Variants in MCF2L observed in about 807,000 individuals in gnomAD.
MCF2L encodes guanine nucleotide exchange factor DBS.
A neutral mutation model predicts 153.4 loss-of-function variants in MCF2L; 97 were observed. That is an observed-to-expected ratio of 0.63 (90% CI 0.54 to 0.75). The LOEUF (loss-of-function observed/expected upper bound fraction) is 0.75, where lower values mean the gene tolerates loss of function less well. Ranked by LOEUF, MCF2L falls within the 30% of genes least tolerant of loss-of-function variation. The pLI is 0.00. For synonymous variants in MCF2L, 659 were observed against 632.2 expected (o/e 1.04, Z -0.64); for missense variants, 1,347 against 1,495.2 (o/e 0.90, Z 1.64).
chr13:113,001,778 G>A, intron 1 of MCF2L: 1 of 1,408,162 alleles, frequency 7.1e-7, no homozygotes, highest in African/African-American at 1.5e-5. Flanking sequence ...GGCCAGGTCT[G>A]CCCAGCAAAC....
chr13:113,001,100 C>A (rs1277812688), intron 1 of MCF2L, among the ~76,000 whole-genome samples: 1 of 152,124 alleles, frequency 6.6e-6, no homozygotes, highest in African/African-American at 2.4e-5. Context: ...CTGTGGGACT[C>A]CCACCCAGGG....
chr13:112,987,342 C>G (rs1157445603), intron 1 of MCF2L, among the ~76,000 whole-genome samples: 2 of 51,054 alleles, frequency 3.9e-5, no homozygotes, highest in African/African-American at 5.5e-5. Context: ...GGCTCGTTGT[C>G]TGCCCCCTGA....
chr13:112,907,711 T>G lies in MCF2L; in HGVS notation c.169+5340T>G, dbSNP rs936978640. On this transcript the variant is annotated intron_variant, in intron 2 of 29. Transcript: ENST00000375608. This position sits in a 1 kb window ranked among gnomAD's most constrained non-coding sequence, Gnocchi z 5.1. ...GGACTTGAAACTTCCTGGTTCTTCA[T>G]GCAGTTCTCAAAGCTCATGATTTTC... Among the ~76,000 whole-genome samples, 2 of 152,238 alleles carry G rather than the reference T, an allele frequency of 1.3e-5. No homozygotes were observed. The highest frequency in any genetic ancestry group is 1.5e-5 in the Non-Finnish European group (1 of 68,050).
intron 2 of MCF2L, among the ~76,000 whole-genome samples, chr13:112,918,363 G>C (rs2081317025): frequency 6.6e-6 from 1 of 152,180 alleles, no homozygotes; most frequent in Non-Finnish European, 1.5e-5. Context: ...CTCCGTGTTG[G>C]GGAACTCCAG....
intron 1 of MCF2L, among the ~76,000 whole-genome samples, chr13:112,992,296 G>A (rs1199128897): frequency 6.6e-6 from 1 of 152,192 alleles, no homozygotes; most frequent in African/African-American, 2.4e-5. Flanking sequence ...TTTGGATATG[G>A]GATACCCAGC....
chr13:112,963,589 C>G (rs2081858958), intron 2 of MCF2L, among the ~76,000 whole-genome samples: 1 of 152,220 alleles, frequency 6.6e-6, no homozygotes, highest in South Asian at 2.1e-4. Flanking sequence ...TGCTCCATAG[C>G]CTGTCTTGGT....
At chr13:113,093,280 C>T (rs749691962) in intron 26 of MCF2L, among the ~76,000 whole-genome samples, 3 of 152,248 alleles carry the variant, frequency 2.0e-5, no homozygotes, top group Non-Finnish European at 2.9e-5. Flanking sequence ...TCACAGTCCT[C>T]AATTCTCACA....
At chr13:113,029,895 T>C (rs2085541314) in intron 3 of MCF2L, among the ~76,000 whole-genome samples, 5 of 152,246 alleles carry the variant, frequency 3.3e-5, no homozygotes. Flanking sequence ...GCAAATTAAA[T>C]GGACAAATCT....
chr13:113,057,744 T>G (rs1209651452), intron 4 of MCF2L, among the ~76,000 whole-genome samples: 1 of 145,904 alleles, frequency 6.9e-6, no homozygotes, highest in Non-Finnish European at 1.5e-5. Context: ...TGTTGGGTGC[T>G]GAGTGGGCAC....
rs960564024 is a variant in MCF2L, at chr13:112,960,782, G to A, written c.170-53981G>A. Among the ~76,000 whole-genome samples the A allele has an allele frequency of 2.0e-5, 3 of 152,046 alleles. No homozygotes were observed. The highest frequency in any genetic ancestry group is 2.1e-4 in the South Asian group (1 of 4,808). On this transcript the variant is annotated intron_variant, in intron 2 of 29. Transcript: ENST00000375608. This position sits in a 1 kb window ranked among gnomAD's most constrained non-coding sequence, Gnocchi z 4.2. Reference sequence around the variant, plus strand: ...TGCCTGCATTCCTGGGCTCATGGCCGCACCACCCAGACCCTTACATCCATC... The same window carrying A: ...TGCCTGCATTCCTGGGCTCATGGCCACACCACCCAGACCCTTACATCCATC...
intron 1 of MCF2L, among the ~76,000 whole-genome samples, chr13:112,988,411 C>T (rs377320379): frequency 1.4e-4 from 22 of 152,316 alleles, no homozygotes; most frequent in African/African-American, 2.6e-4. Flanking sequence ...CCTTTCCCTG[C>T]GGAGCTGGTG....
Position 113,076,864 on chromosome 13 carries a change from G to C in MCF2L, c.1501-188G>C, listed in dbSNP as rs1012935857. On this transcript the variant is annotated intron_variant, in intron 12 of 29. Transcript: ENST00000535094. Reference sequence around the variant, plus strand: ...CCGAGGCCGGGGCCCCGTCCCGTGTGGGGGCTGCATCCCCCTCTCCGTCCG... The same window carrying C: ...CCGAGGCCGGGGCCCCGTCCCGTGTCGGGGCTGCATCCCCCTCTCCGTCCG... Among the ~76,000 whole-genome samples the C allele has an allele frequency of 4.6e-5, 7 of 152,258 alleles. No individual in the cohort carries two copies. In the South Asian group the frequency reaches 6.2e-4, roughly 13 times the overall value.
intron 2 of MCF2L, among the ~76,000 whole-genome samples, chr13:112,950,921 C>T (rs751627374): frequency 4.6e-5 from 7 of 152,166 alleles, no homozygotes; most frequent in Non-Finnish European, 8.8e-5. Flanking sequence ...TGTGTGAAAG[C>T]ACCTGCAAAG....
In MCF2L at chr13:113,074,648, C is replaced by T. The variant is rs2033264962; in HGVS notation, c.1116+85C>T. The T allele has an allele frequency of 6.4e-7, 1 of 1,569,734 alleles. No individual in the cohort carries two copies. Among genetic ancestry groups the T allele is most frequent in the African/African-American group, 1.3e-5 (1 of 74,322 alleles). On this transcript the variant is annotated intron_variant, in intron 10 of 29. Coordinates refer to ENST00000535094, the MANE Select transcript of MCF2L (RefSeq NM_001112732.3). This position sits in a 1 kb window ranked among gnomAD's most constrained non-coding sequence, Gnocchi z 4.2. ...TCAGGAAGGCGCAGGAATGGGCCTC[C>T]CGCCTACGGAGAACGGACCCCACAG...
chr13:112,990,242 T>C (rs1041007562), intron 1 of MCF2L, among the ~76,000 whole-genome samples: 2 of 152,218 alleles, frequency 1.3e-5, no homozygotes, highest in African/African-American at 4.8e-5. Context: ...TTTCTTATGT[T>C]TAAAGACCCC....
At chr13:112,899,581 G>C (rs1200953450) in intron 1 of MCF2L, among the ~76,000 whole-genome samples, 1 of 152,206 alleles carries the variant, frequency 6.6e-6, no homozygotes, top group African/African-American at 2.4e-5. Context: ...CACCACGTGA[G>C]AGCTGTTGTT....
chr13:112,931,138 G>T (rs1187568121), intron 2 of MCF2L, among the ~76,000 whole-genome samples: 1 of 152,174 alleles, frequency 6.6e-6, no homozygotes, highest in Non-Finnish European at 1.5e-5. Flanking sequence ...AGTGGGGAGG[G>T]AGTGGCACTC....
chr13:113,004,269 A>C (rs545073472), intron 1 of MCF2L, among the ~76,000 whole-genome samples: 1 of 152,276 alleles, frequency 6.6e-6, no homozygotes, highest in Admixed American at 6.5e-5. Context: ...CCCTGCAGAG[A>C]AGCGTCCATC....
intron 4 of MCF2L, among the ~76,000 whole-genome samples, chr13:113,048,535 G>GTA (rs2086983445): frequency 6.7e-6 from 1 of 148,712 alleles, no homozygotes; most frequent in Non-Finnish European, 1.5e-5. Flanking sequence ...CTGCCTCCCC[G>GTA]GGTTCACGCC....
Sources: allele counts gnomAD v4.1 joint callset (sites outside exome capture counted in the v4.1 genomes callset), GRCh38; gene constraint gnomAD v4.1.1; non-coding constraint Gnocchi (gnomAD v3.1); transcripts MANE v1.5; gene names NCBI Gene and HGNC (gene_info 2026-07-23, HGNC 2026-07-21).